Variants in OR4Q3 observed in about 807,000 individuals in gnomAD.
The protein encoded by OR4Q3 is olfactory receptor 4Q3.
OR4Q3 carries 17 observed loss-of-function variants against 18.8 expected under a neutral mutation model. The observed-to-expected ratio is 0.91, with a 90% confidence interval of 0.62 to 1.36. The LOEUF is 1.36. OR4Q3 is among the 40% of genes most tolerant of loss of function. The pLI, the probability that OR4Q3 is intolerant of heterozygous loss-of-function variation, is 0.00. For missense variants in OR4Q3, 378 were observed against 373.4 expected (o/e 1.01, Z -0.10); for synonymous variants, 158 against 145.8 (o/e 1.08, Z -0.60).
intron 1 of OR4Q3, among the ~76,000 whole-genome samples, chr14:19,745,817 ATTTC>A: frequency 2.0e-5 from 3 of 152,158 alleles, no homozygotes; most frequent in African/African-American, 7.2e-5. Context: ...CCTAACTTGT[ATTTC>A]TTTCTTTGTT....
downstream of OR4Q3, among the ~76,000 whole-genome samples, chr14:19,749,853 T>C: frequency 7.1e-4 from 3 of 4,200 alleles, no homozygotes; most frequent in Non-Finnish European, 2.2e-3. Context: ...ATTACTTCTT[T>C]CTTTCTTTCT....
chr14:19,747,430 G>T, exon 2 of OR4Q3: 1 of 1,593,132 alleles, frequency 6.3e-7, no homozygotes, highest in Non-Finnish European at 8.5e-7. Context: ...TTGGCTTGAT[G>T]AAAAAAGAAC....
chr14:19,747,942 C>A, exon 2 of OR4Q3: 2 of 1,614,044 alleles, frequency 1.2e-6, no homozygotes, highest in Non-Finnish European at 1.7e-6. Flanking sequence ...TTCTGTGGGC[C>A]CAATGAACTG....
At position 19,748,054 on chromosome 14, in the gene OR4Q3, TG is replaced by T; in HGVS notation, c.652del (p.Val218SerfsTer14). 5.0e-6 allele frequency: 8 copies of T among 1,613,948 alleles called. No individual in the cohort carries two copies. In the East Asian group the frequency reaches 1.8e-4, roughly 36 times the overall value. On this transcript the variant is annotated frameshift_variant, in exon 2 of 2. Transcript: ENST00000642117. LOFTEE classifies it high-confidence loss of function. Reference sequence around the variant, plus strand: ...TAGCCAACAGTGGTCTGCTGTCTCTTGTCTGCTTCTTGGTCTTACTATTCTC... The same window carrying T: ...TAGCCAACAGTGGTCTGCTGTCTCTTTCTGCTTCTTGGTCTTACTATTCTC...
At chr14:19,749,295 G>C in exon 2 of OR4Q3, 1 of 152,220 alleles carries the variant, frequency 6.6e-6, no homozygotes, top group Non-Finnish European at 1.5e-5. Context: ...TAAGTGACTT[G>C]CCCATGACCA....
chr14:19,744,434 A>C (rs1247896919), intron 1 of OR4Q3, among the ~76,000 whole-genome samples: 1 of 152,122 alleles, frequency 6.6e-6, no homozygotes, highest in African/African-American at 2.4e-5. Flanking sequence ...CCAGGAGAAA[A>C]ATTTTACTCC....
downstream of OR4Q3, among the ~76,000 whole-genome samples, chr14:19,750,708 T>A: frequency 7.4e-3 from 1,121 of 152,160 alleles, 6 homozygotes; most frequent in South Asian, 0.083. Context: ...GCCATATATA[T>A]GTATGTGTAT....
chr14:19,749,795 T>C, downstream of OR4Q3, among the ~76,000 whole-genome samples: 1 of 80,360 alleles, frequency 1.2e-5, no homozygotes, highest in Non-Finnish European at 3.1e-5. Context: ...TTTCTTTCTT[T>C]CTCTCTCTTT....
At chr14:19,752,184 T>C, downstream of OR4Q3, among the ~76,000 whole-genome samples, 2 of 152,156 alleles carry the variant, frequency 1.3e-5, no homozygotes, top group African/African-American at 4.8e-5. Flanking sequence ...CCTAGGTAAA[T>C]GAAAGTGCTT....
chr14:19,751,304 G>T, downstream of OR4Q3, among the ~76,000 whole-genome samples: 191 of 152,306 alleles, frequency 1.3e-3, no homozygotes, highest in Middle Eastern at 3.4e-3. Flanking sequence ...GAGGATTTTT[G>T]CATCTATGTT....
chr14:19,751,427 T>G, downstream of OR4Q3, among the ~76,000 whole-genome samples: 1 of 152,274 alleles, frequency 6.6e-6, no homozygotes, highest in Admixed American at 6.5e-5. Context: ...TCCTTTTTTA[T>G]TTTTTTGGGA....
downstream of OR4Q3, among the ~76,000 whole-genome samples, chr14:19,751,188 C>G: frequency 2.0e-5 from 3 of 152,212 alleles, no homozygotes; most frequent in Non-Finnish European, 4.4e-5. Context: ...TTTATATTCC[C>G]TTTTGCATTT....
intron 1 of OR4Q3, among the ~76,000 whole-genome samples, chr14:19,744,225 A>G (rs1877378454): frequency 6.6e-6 from 1 of 152,202 alleles, no homozygotes; most frequent in Non-Finnish European, 1.5e-5. Flanking sequence ...GGAGAAATTT[A>G]AAAATGCATC....
At chr14:19,749,847 CTTCTTTCT>C, downstream of OR4Q3, among the ~76,000 whole-genome samples, 3,186 of 113,328 alleles carry the variant, frequency 0.028, 48 homozygotes, top group African/African-American at 0.063. Flanking sequence ...ATACAGATTA[CTTCTTTCT>C]TTCTTTCTTT....
chr14:19,749,908 TTTTTCTTTCTTTCTTTC>T, downstream of OR4Q3, among the ~76,000 whole-genome samples: 1 of 7,306 alleles, frequency 1.4e-4, no homozygotes, highest in Non-Finnish European at 6.6e-4. Context: ...CTTTCTTTCT[TTTTTCTTTCTTTCTTTC>T]TCTCTCTCTT....
chr14:19,748,249 G>A lies in OR4Q3; in HGVS notation c.846G>A (p.Leu282=). The A allele has an allele frequency of 1.1e-5, 18 of 1,613,828 alleles. No homozygotes were observed. In the East Asian group the frequency reaches 3.1e-4, roughly 28 times the overall value. The change falls in exon 2 of 2, where the codon TTG becomes TTA. Residue 282 remains leucine, a synonymous_variant. Coordinates refer to ENST00000642117, the Ensembl canonical transcript of OR4Q3. ...TCTCTGTGGATAAGATATTCTCCTT[G>A]TTTTACACAGTGATTACACCTATGT... is the stretch of plus-strand genomic sequence containing the variant.
exon 2 of OR4Q3, chr14:19,748,642 T>G: frequency 2.3e-6 from 1 of 438,584 alleles, no homozygotes; most frequent in Non-Finnish European, 4.1e-6. Context: ...AGATCAACTT[T>G]TCTATCTTTA....
chr14:19,751,261 G>C, downstream of OR4Q3, among the ~76,000 whole-genome samples: 3 of 152,218 alleles, frequency 2.0e-5, no homozygotes, highest in Non-Finnish European at 4.4e-5. Flanking sequence ...ACTTATTGAT[G>C]TGCCGCTGAA....
At chr14:19,744,734 G>A (rs1877392909) in intron 1 of OR4Q3, among the ~76,000 whole-genome samples, 1 of 152,166 alleles carries the variant, frequency 6.6e-6, no homozygotes, top group Non-Finnish European at 1.5e-5. Context: ...TACTGCTAAT[G>A]GGATAATGAA....
Sources: gnomAD v4.1 joint callset for allele counts (sites outside exome capture counted in the v4.1 genomes callset) on GRCh38, gnomAD v4.1.1 for gene constraint, MANE v1.5 for transcripts, NCBI Gene and HGNC (gene_info 2026-07-23, HGNC 2026-07-21) for gene names.